The following CCDC171 variants were observed in gnomAD, a reference collection of about 807,000 sequenced individuals.
The protein encoded by CCDC171 is coiled-coil domain-containing protein 171.
Under a neutral mutation model 168.2 loss-of-function variants are expected in CCDC171, and 177 were observed. That is an observed-to-expected ratio of 1.05 (90% CI 0.93 to 1.19). CCDC171 has a LOEUF of 1.19. Among genes scored for constraint, CCDC171 ranks in the 50% most tolerant of loss-of-function variants. The probability of loss-of-function intolerance (pLI) is 0.00; values close to 1 mark genes in which losing one functional copy is unlikely to be tolerated. For synonymous variants in CCDC171, 687 were observed against 540.8 expected (o/e 1.27, Z -3.75); for missense variants, 1,991 against 1,539.0 (o/e 1.29, Z -4.91).
intron 21 of CCDC171, among the ~76,000 whole-genome samples, chr9:15,823,290 GT>G (rs1554635912): frequency 1.3e-5 from 2 of 151,806 alleles, no homozygotes; most frequent in Non-Finnish European, 2.9e-5. Context: ...AAACCTTCAC[GT>G]TGTGCACTTG....
At chr9:16,002,214 A>G (rs1211720695) in intron 3 of CCDC171, among the ~76,000 whole-genome samples, 1 of 150,846 alleles carries the variant, frequency 6.6e-6, no homozygotes, top group Non-Finnish European at 1.5e-5. Context: ...TTAACTGTAA[A>G]ACAACCTCAG....
intron 24 of CCDC171, among the ~76,000 whole-genome samples, chr9:15,903,097 C>T (rs1159453600): frequency 2.0e-5 from 3 of 152,220 alleles, no homozygotes; most frequent in Non-Finnish European, 4.4e-5. Context: ...TAGACTCCAC[C>T]TCTGGGGGTT....
intron 7 of CCDC171, among the ~76,000 whole-genome samples, chr9:15,646,230 A>T (rs1354595078): frequency 6.6e-6 from 1 of 152,222 alleles, no homozygotes; most frequent in African/African-American, 2.4e-5. Flanking sequence ...CCTGCCTTAC[A>T]AGAGCTCCTG....
chr9:15,583,396 G>A (rs951037015), intron 4 of CCDC171, among the ~76,000 whole-genome samples: 16 of 130,854 alleles, frequency 1.2e-4, no homozygotes, highest in African/African-American at 2.8e-4. Flanking sequence ...TGGTGACAGC[G>A]AGACTCCATC....
chr9:15,561,304 A>G (rs1216271560), intron 1 of CCDC171, among the ~76,000 whole-genome samples: 1 of 152,202 alleles, frequency 6.6e-6, no homozygotes, highest in Admixed American at 6.5e-5. Flanking sequence ...ATGACTTTGT[A>G]TCATATAGTT....
chr9:16,015,884 C>G (rs1340134676), intron 3 of CCDC171, among the ~76,000 whole-genome samples: 1 of 152,162 alleles, frequency 6.6e-6, no homozygotes, highest in Admixed American at 6.5e-5. Flanking sequence ...TCTTTTATGT[C>G]TGGCTTATTT....
At chr9:15,896,129 G>A (rs763316872) in intron 24 of CCDC171, among the ~76,000 whole-genome samples, 2 of 151,808 alleles carry the variant, frequency 1.3e-5, no homozygotes, top group African/African-American at 2.4e-5. Flanking sequence ...CATAATAAGG[G>A]CAATAATCAC....
chr9:15,667,991 T>G (rs2048852311), intron 9 of CCDC171, among the ~76,000 whole-genome samples: 1 of 152,216 alleles, frequency 6.6e-6, no homozygotes, highest in East Asian at 1.9e-4. Flanking sequence ...TATTCAAATA[T>G]GTATTCAAAT....
intron 18 of CCDC171, among the ~76,000 whole-genome samples, chr9:15,760,383 A>G (rs570758308): frequency 6.6e-6 from 1 of 152,314 alleles, no homozygotes; most frequent in South Asian, 2.1e-4. Context: ...TTAATTAGGA[A>G]AGAAAATTTA....
chr9:15,850,136 G>T (rs2061064585), intron 23 of CCDC171: 1 of 151,774 alleles, frequency 6.6e-6, no homozygotes, highest in Non-Finnish European at 1.5e-5. Context: ...TTTTGAACTT[G>T]GTGGATAGAA....
intron 3 of CCDC171, among the ~76,000 whole-genome samples, chr9:15,992,516 C>G (rs1047270760): frequency 6.6e-6 from 1 of 152,168 alleles, no homozygotes; most frequent in Non-Finnish European, 1.5e-5. Flanking sequence ...TGGAAGCATT[C>G]CCTTTGAAAA....
chr9:15,889,478 G>A (rs1419078957), intron 24 of CCDC171, among the ~76,000 whole-genome samples: 1 of 152,120 alleles, frequency 6.6e-6, no homozygotes, highest in Non-Finnish European at 1.5e-5. Context: ...ACTCTCTCTT[G>A]CATCTTGTTT....
downstream of CCDC171, among the ~76,000 whole-genome samples, chr9:15,974,270 G>T (rs758500359): frequency 7.9e-5 from 12 of 152,056 alleles, no homozygotes; most frequent in Non-Finnish European, 1.5e-4. Context: ...GACCCAGCAG[G>T]AGGAGAAGAT....
At chr9:15,795,589 G>T (rs2058512346) in intron 21 of CCDC171, among the ~76,000 whole-genome samples, 1 of 152,100 alleles carries the variant, frequency 6.6e-6, no homozygotes, top group Non-Finnish European at 1.5e-5. Flanking sequence ...AGCTCATTGG[G>T]GTGTGCAAAC....
At chr9:16,001,779 G>A (rs1832552542) in intron 3 of CCDC171, among the ~76,000 whole-genome samples, 2 of 151,244 alleles carry the variant, frequency 1.3e-5, no homozygotes, top group South Asian at 2.1e-4. Context: ...CTAAAATTAT[G>A]TATACTACAT....
chr9:16,101,074 G>C, the CCDC171 span, among the ~76,000 whole-genome samples: 14 of 152,308 alleles, frequency 9.2e-5, no homozygotes, highest in East Asian at 2.5e-3. Context: ...AGAAAGCCGG[G>C]CTGCAGAAAT....
intron 7 of CCDC171, among the ~76,000 whole-genome samples, chr9:15,650,613 C>T (rs1325434814): frequency 1.3e-5 from 2 of 152,076 alleles, no homozygotes; most frequent in Non-Finnish European, 2.9e-5. Context: ...ATTCTGGATA[C>T]TAGAACGTGC....
intron 24 of CCDC171, among the ~76,000 whole-genome samples, chr9:15,888,399 C>T (rs1819720928): frequency 6.6e-6 from 1 of 152,080 alleles, no homozygotes; most frequent in Non-Finnish European, 1.5e-5. Flanking sequence ...ATTCCAAGAC[C>T]CAGGTGGTAA....
At chr9:15,834,050 A>G (rs143633394) in intron 21 of CCDC171, among the ~76,000 whole-genome samples, 3 of 152,274 alleles carry the variant, frequency 2.0e-5, no homozygotes, top group African/African-American at 7.2e-5. Context: ...AACTATGAAA[A>G]TACTTGTTGT....
Sources: allele counts gnomAD v4.1 joint callset (sites outside exome capture counted in the v4.1 genomes callset), GRCh38; gene constraint gnomAD v4.1.1; transcripts MANE v1.5; gene names NCBI Gene and HGNC (gene_info 2026-07-23, HGNC 2026-07-21).